PTCHD1: variants seen among roughly 807,000 people sequenced by gnomAD.
The protein encoded by PTCHD1 is patched domain-containing protein 1.
PTCHD1 carries 3 observed loss-of-function variants against 34.6 expected under a neutral mutation model. The ratio of observed to expected loss-of-function variants is 0.09; its 90% CI spans 0.04 to 0.22. The LOEUF is 0.22. PTCHD1 is among the 10% of genes least tolerant of loss of function. The probability of loss-of-function intolerance (pLI) is 1.00; values close to 1 mark genes in which losing one functional copy is unlikely to be tolerated. For missense variants in PTCHD1, 504 were observed against 685.5 expected (o/e 0.74, Z 2.96); for synonymous variants, 305 against 283.1 (o/e 1.08, Z -0.77).
Position 23,353,604 on chromosome X carries a change from C to T in PTCHD1, c.351+18378C>T, listed in dbSNP as rs200040687. ...AACTCTGTCTCAAAACAAAACAAAA[C>T]AAAACAAAAAAAAAAAACGTAAGCT... On this transcript the variant is annotated intron_variant, in intron 1 of 2. Transcript: ENST00000379361. 3.2e-5 allele frequency among the ~76,000 whole-genome samples: 3 copies of T among 93,713 alleles called. No homozygotes were observed. The East Asian group carries it at 1.0e-3, about 32-fold the overall frequency. The allele number at this position is 93,713 out of a possible 115,157, so 81.4% of individuals were successfully genotyped here.
chrX:23,336,486 T>G (rs1921172787), intron 1 of PTCHD1, among the ~76,000 whole-genome samples: 1 of 111,841 alleles, frequency 8.9e-6, no homozygotes, highest in Non-Finnish European at 1.9e-5. Context: ...TCCTCTTCTT[T>G]TCCTCTACAG....
In PTCHD1 at chrX:23,402,131, T is replaced by C. The variant is rs943733901; in HGVS notation, c.*7946T>C. Reference sequence around the variant, plus strand: ...CTTAGGAAGAAGTGGGCAGTTTCCATTGATCCCTAGCATCAGTTTGACGGG... The same window carrying C: ...CTTAGGAAGAAGTGGGCAGTTTCCACTGATCCCTAGCATCAGTTTGACGGG... On this transcript the variant is annotated 3_prime_UTR_variant, in exon 3 of 3. Coordinates refer to ENST00000379361, the MANE Select transcript of PTCHD1 (RefSeq NM_173495.3). 1 of 112,032 alleles carries C rather than the reference T, an allele frequency of 8.9e-6. No individual in the cohort carries two copies. The highest frequency in any genetic ancestry group is 3.2e-5 in the African/African-American group (1 of 30,818). The allele number at this position is 112,032 out of a possible 1,213,427, so 9.2% of individuals were successfully genotyped here.
At chrX:23,381,465 T>G (rs927161381) in intron 2 of PTCHD1, among the ~76,000 whole-genome samples, 9 of 112,840 alleles carry the variant, frequency 8.0e-5, no homozygotes, top group Non-Finnish European at 1.7e-4. Flanking sequence ...TGGCATTTTT[T>G]GGTTAACTAA....
At chrX:23,380,978 T>TGG (rs1253541197) in intron 2 of PTCHD1, among the ~76,000 whole-genome samples, 1 of 111,487 alleles carries the variant, frequency 9.0e-6, no homozygotes, top group African/African-American at 3.3e-5. Context: ...GAATGGGGAA[T>TGG]GGGAGGGCAT....
intron 1 of PTCHD1, among the ~76,000 whole-genome samples, chrX:23,342,265 C>CATATAT (rs1921328923): frequency 2.3e-4 from 13 of 57,471 alleles, no homozygotes; most frequent in Non-Finnish European, 4.8e-4. Flanking sequence ...TGTGTTTCTC[C>CATATAT]CTATATATAT....
intron 2 of PTCHD1, among the ~76,000 whole-genome samples, chrX:23,382,944 A>AT: frequency 8.9e-6 from 1 of 112,528 alleles, no homozygotes; most frequent in South Asian, 3.7e-4. Context: ...TATTTCTCAG[A>AT]TAAACTCTTC....
intron 1 of PTCHD1, among the ~76,000 whole-genome samples, chrX:23,356,459 G>A (rs1921805364): frequency 9.0e-6 from 1 of 111,721 alleles, no homozygotes; most frequent in Non-Finnish European, 1.9e-5. Context: ...TGCAAGGGAG[G>A]GCAGGGGACT....
chrX:23,370,622 C>A (rs1185247118), intron 1 of PTCHD1, among the ~76,000 whole-genome samples: 1 of 111,893 alleles, frequency 8.9e-6, no homozygotes. Flanking sequence ...TTAGGTGGAA[C>A]TTTCTTCTTA....
intron 1 of PTCHD1, among the ~76,000 whole-genome samples, chrX:23,365,205 C>G (rs1317388938): frequency 1.8e-5 from 2 of 111,726 alleles, no homozygotes; most frequent in African/African-American, 6.5e-5. Flanking sequence ...TAAAAATGTG[C>G]CTACCATCAA....
At chrX:23,341,999 CA>C (rs1394150470) in intron 1 of PTCHD1, among the ~76,000 whole-genome samples, 3 of 109,412 alleles carry the variant, frequency 2.7e-5, no homozygotes, top group Non-Finnish European at 5.7e-5. Flanking sequence ...GAGGTGATAT[CA>C]GAAAAGGCTG....
chrX:23,351,436 C>G (rs1040937367), intron 1 of PTCHD1: 15 of 552,705 alleles, frequency 2.7e-5, no homozygotes, highest in Non-Finnish European at 4.5e-5. Context: ...ACAGAACCCT[C>G]TCTTTTGGAA....
intron 1 of PTCHD1, among the ~76,000 whole-genome samples, chrX:23,364,823 G>A (rs1392631761): frequency 8.9e-6 from 1 of 112,651 alleles, no homozygotes; most frequent in Non-Finnish European, 1.9e-5. Flanking sequence ...CTTACCTGTT[G>A]AGATGATCCG....
At chrX:23,342,283 TATATATATATATATATATATATATATA>T (rs1427987675) in intron 1 of PTCHD1, among the ~76,000 whole-genome samples, 2,816 of 9,337 alleles carry the variant, frequency 0.3, 159 homozygotes, top group Admixed American at 0.6. Context: ...TATATATATA[TATATATATATATATATATATATATATA>T]TTTTTTTTTT....
intron 1 of PTCHD1, among the ~76,000 whole-genome samples, chrX:23,372,391 C>G (rs1490085858): frequency 9.0e-6 from 1 of 110,512 alleles, no homozygotes; most frequent in Non-Finnish European, 1.9e-5. Flanking sequence ...ATGTCAGGCG[C>G]CAAAGTCAAT....
chrX:23,386,005 A>G (rs976002301), intron 2 of PTCHD1, among the ~76,000 whole-genome samples: 3 of 110,889 alleles, frequency 2.7e-5, no homozygotes, highest in African/African-American at 9.8e-5. Context: ...ATATTTAAAT[A>G]GAAGCTATTC....
chrX:23,342,270 A>G (rs1280015398), intron 1 of PTCHD1, among the ~76,000 whole-genome samples: 1 of 7,265 alleles, frequency 1.4e-4, no homozygotes, highest in African/African-American at 8.1e-4. Flanking sequence ...TTCTCCCTAT[A>G]TATATATATA....
At chrX:23,346,615 C>G (rs926502324) in intron 1 of PTCHD1, among the ~76,000 whole-genome samples, 1 of 111,586 alleles carries the variant, frequency 9.0e-6, no homozygotes, top group Non-Finnish European at 1.9e-5. Context: ...AAGAAGTCTT[C>G]CTAAAATTGG....
rs1923136591 is a variant in PTCHD1, at chrX:23,402,065, A to G, written c.*7880A>G. On this transcript the variant is annotated 3_prime_UTR_variant, in exon 3 of 3. Transcript: ENST00000379361. ...AGAAGGGGGAAAGAAGTGGTGAGGA[A>G]GAATATATGGGGTGATCCCTCCAAA... The G allele has an allele frequency of 8.9e-6, 1 of 112,133 alleles. No homozygotes were observed. Among genetic ancestry groups the G allele is most frequent in the Admixed American group, 9.5e-5 (1 of 10,579 alleles). 9.2% of individuals were successfully genotyped at this position (112,133 alleles called of 1,213,427 possible).
intron 1 of PTCHD1, among the ~76,000 whole-genome samples, chrX:23,344,471 C>T (rs1921422676): frequency 8.9e-6 from 1 of 112,298 alleles, no homozygotes; most frequent in Non-Finnish European, 1.9e-5. Flanking sequence ...TTGAGTAATA[C>T]ACATGTAGCC....
Sources: gnomAD v4.1 joint callset for allele counts (sites outside exome capture counted in the v4.1 genomes callset) on GRCh38, gnomAD v4.1.1 for gene constraint, MANE v1.5 for transcripts, NCBI Gene and HGNC (gene_info 2026-07-23, HGNC 2026-07-21) for gene names.